Variants in SHMT1 observed in about 807,000 individuals in gnomAD.
SHMT1 encodes the protein serine hydroxymethyltransferase 1, also known as serine hydroxymethyltransferase, cytosolic.
In SHMT1, 45 loss-of-function variants were observed where a neutral mutation model predicts 49.0. The observed-to-expected ratio is 0.92, with a 90% CI of 0.72 to 1.18. The LOEUF is 1.18. Ranked by LOEUF, SHMT1 falls within the 50% of genes most tolerant of loss-of-function variation. SHMT1 has a pLI of 0.00. For synonymous variants in SHMT1, 232 were observed against 246.6 expected, an observed-to-expected ratio of 0.94 and a Z score of 0.55; for missense variants, 541 against 612.4, an observed-to-expected ratio of 0.88 and a Z score of 1.23.
chr17:18,352,922 TAAAG>T (rs1324054165), intron 3 of SHMT1, among the ~76,000 whole-genome samples: 2 of 150,854 alleles, frequency 1.3e-5, no homozygotes, highest in African/African-American at 4.9e-5. Flanking sequence ...GAGAGAGAAA[TAAAG>T]AAAACACCTG....
chr17:18,330,696 A>T (rs1320026525), intron 9 of SHMT1, 25 bp from the exon 10 acceptor site: 6 of 1,513,902 alleles, frequency 4.0e-6, no homozygotes, highest in Non-Finnish European at 5.5e-6. Flanking sequence ...GGACATGTAG[A>T]AATGCAGGCG....
chr17:18,338,443 T>TG (rs1332365325), intron 7 of SHMT1, among the ~76,000 whole-genome samples: 10 of 126,552 alleles, frequency 7.9e-5, no homozygotes, highest in South Asian at 2.7e-4. Flanking sequence ...TTCCAGGAGG[T>TG]GGGGGGGCGC....
At chr17:18,354,464 C>CA (rs146363502) in intron 2 of SHMT1, among the ~76,000 whole-genome samples, 5,895 of 152,016 alleles carry the variant, frequency 0.039, 412 homozygotes, top group African/African-American at 0.14. Flanking sequence ...GGTGTGGTGG[C>CA]AGGCGCCTAT....
At position 18,353,787 on chromosome 17, in the gene SHMT1, G is replaced by C. The variant is rs778122975; in HGVS notation, c.127C>G (p.Arg43Gly). ...ATCAGCTCCAATCCAACCCTCTGCC[G>C]GTTACTCTCCTTCTTAATGATGTTG... ...VYNIIKKESN[R>G]QRVGLELIAS... Residue 43 changes from arginine (R) to glycine (G), a missense_variant, in exon 3 of 12, where the codon CGG becomes GGG. Arg to Gly is a moderately radical substitution (Grantham distance 125, BLOSUM62 -2). Transcript: ENST00000316694. The C allele has an allele frequency of 1.2e-6, 2 of 1,613,886 alleles. No homozygotes were observed. Among genetic ancestry groups the C allele is most frequent in the Non-Finnish European group, 1.7e-6 (2 of 1,179,964 alleles).
intron 11 of SHMT1, 84 bp from the exon 12 acceptor site, chr17:18,329,003 A>C: frequency 6.5e-7 from 1 of 1,549,282 alleles, no homozygotes; most frequent in Non-Finnish European, 8.9e-7. Flanking sequence ...CAAATGTCAG[A>C]ATGTCCCCCA....
chr17:18,357,279 CAAAAAAAAAAAAAAA>C (rs10560620), intron 1 of SHMT1, among the ~76,000 whole-genome samples: 30 of 89,528 alleles, frequency 3.4e-4, no homozygotes, highest in East Asian at 6.3e-4. Flanking sequence ...GACTCCACCT[CAAAAAAAAAAAAAAA>C]AAAAAAAAAA....
chr17:18,337,968 G>A (rs940113822), intron 7 of SHMT1, among the ~76,000 whole-genome samples: 1 of 152,010 alleles, frequency 6.6e-6, no homozygotes, highest in East Asian at 1.9e-4. Flanking sequence ...AAAGTGCCGA[G>A]ATTGCAGCCT....
intron 3 of SHMT1, among the ~76,000 whole-genome samples, chr17:18,351,990 G>C (rs1208184223): frequency 6.6e-6 from 1 of 151,918 alleles, no homozygotes; most frequent in Non-Finnish European, 1.5e-5. Context: ...GACTACAGGC[G>C]CATGCCACCA....
chr17:18,330,443 C>A (rs1236318306), intron 10 of SHMT1, 112 bp downstream of exon 10: 1 of 872,572 alleles, frequency 1.1e-6, no homozygotes, highest in Non-Finnish European at 2.0e-6. Context: ...GCCCCCACTA[C>A]AGTTTTTATG....
intron 1 of SHMT1, among the ~76,000 whole-genome samples, chr17:18,357,728 G>C (rs1445403557): frequency 6.6e-6 from 1 of 152,006 alleles, no homozygotes; most frequent in Non-Finnish European, 1.5e-5. Context: ...TCAGGGCCAG[G>C]CATGGCAACT....
intron 9 of SHMT1, 99 bp downstream of exon 9, chr17:18,333,067 A>G: frequency 2.7e-6 from 4 of 1,455,772 alleles, no homozygotes; most frequent in Non-Finnish European, 3.8e-6. Flanking sequence ...TTGCAGCTGC[A>G]GCAGCAGAGC....
intron 1 of SHMT1, among the ~76,000 whole-genome samples, chr17:18,361,331 G>A (rs1488384403): frequency 6.9e-6 from 1 of 144,734 alleles, no homozygotes; most frequent in East Asian, 2.0e-4. Context: ...ACAAAAATTA[G>A]CCAGGCATGG....
Position 18,341,904 on chromosome 17 carries a change from T to C in SHMT1, c.520-1091A>G, listed in dbSNP as rs142801380. Among the ~76,000 whole-genome samples, 108 of 152,254 alleles carry C rather than the reference T, an allele frequency of 7.1e-4. 1 individual carries two copies. The highest frequency in any genetic ancestry group is 1.8e-3 in the Admixed American group (28 of 15,292). ...CAGGTCATTGGATCCATGCCAGTGG[T>C]GACGCTGCAGTGCAGTGGGGAGAGG... On this transcript the variant is annotated intron_variant, in intron 5 of 11. Transcript: ENST00000316694.
chr17:18,331,460 A>G (rs1983199311), intron 9 of SHMT1: 1 of 156,196 alleles, frequency 6.4e-6, no homozygotes, highest in Non-Finnish European at 1.4e-5. Flanking sequence ...CAGGGCTGTC[A>G]TGAAGTTTAA....
intron 5 of SHMT1, among the ~76,000 whole-genome samples, chr17:18,345,611 A>C (rs1319898763): frequency 6.6e-6 from 1 of 151,554 alleles, no homozygotes; most frequent in African/African-American, 2.4e-5. Context: ...TCCTGACCTC[A>C]TGATCCGCCT....
chr17:18,348,456 A>G lies in SHMT1; in HGVS notation c.243-16T>C. The G allele has an allele frequency of 6.4e-7, 1 of 1,570,156 alleles. No individual in the cohort carries two copies. The highest frequency in any genetic ancestry group is 1.1e-5 in the South Asian group (1 of 90,196). On this transcript the variant is annotated splice_polypyrimidine_tract_variant and intron_variant, in intron 3 of 11. Coordinates refer to ENST00000316694, the MANE Select transcript of SHMT1 (RefSeq NM_004169.5). ...GCCATAGTATCTGTGGGAGAAGAGC[A>G]GGAGACTTAGATCCACTCAGACCCA...
intron 7 of SHMT1, among the ~76,000 whole-genome samples, chr17:18,339,062 A>T (rs1251985787): frequency 6.0e-5 from 9 of 148,950 alleles, no homozygotes; most frequent in South Asian, 2.1e-4. Flanking sequence ...AAAAAAAAAA[A>T]AAAAAAAAAA....
chr17:18,333,775 ATTTT>A (rs1567771081), intron 8 of SHMT1, among the ~76,000 whole-genome samples: 1 of 150,986 alleles, frequency 6.6e-6, no homozygotes, highest in African/African-American at 2.4e-5. Flanking sequence ...AGCTAAAAAA[ATTTT>A]TTATTTTTAT....
chr17:18,356,881 T>G (rs931617054), intron 1 of SHMT1, among the ~76,000 whole-genome samples: 1 of 152,100 alleles, frequency 6.6e-6, no homozygotes, highest in South Asian at 2.1e-4. Flanking sequence ...GCCAAACTTC[T>G]CATGGATATA....
Sources: gnomAD v4.1 joint callset for allele counts (sites outside exome capture counted in the v4.1 genomes callset) on GRCh38, gnomAD v4.1.1 for gene constraint, MANE v1.5 for transcripts, NCBI Gene and HGNC (gene_info 2026-07-23, HGNC 2026-07-21) for gene names.